Variants in SYNJ2 observed in about 807,000 individuals in gnomAD.
SYNJ2 encodes synaptojanin 2, also known as polyphosphatidylinositol phosphatase SYNJ2.
SYNJ2 carries 116 observed loss-of-function variants against 141.3 expected under a neutral mutation model. The ratio of observed to expected loss-of-function variants is 0.82; its 90% confidence interval spans 0.71 to 0.96. The LOEUF (loss-of-function observed/expected upper bound fraction) is 0.96. Ranked by LOEUF, SYNJ2 falls within the 40% of genes least tolerant of loss-of-function variation. The pLI, the probability that SYNJ2 is intolerant of heterozygous loss-of-function variation, is 0.00. For synonymous variants in SYNJ2, 745 were observed against 777.7 expected (o/e 0.96, Z 0.70); for missense variants, 1,873 against 1,934.8 (o/e 0.97, Z 0.60).
rs946264148 is a variant in SYNJ2 at position 158,040,974 on chromosome 6, G to A, written c.712-2342G>A. On this transcript the variant is annotated intron_variant, in intron 4 of 26. Transcript: ENST00000355585. The surrounding 1 kb of genome is among the most constrained non-coding windows in gnomAD (Gnocchi z 4.2). Reference sequence around the variant, plus strand: ...TCTTCCCACGACCCAAGCTCTCTCCGACGCCAGCAGGTGCCCGCATGCATA... The same window carrying A: ...TCTTCCCACGACCCAAGCTCTCTCCAACGCCAGCAGGTGCCCGCATGCATA... 5.3e-5 allele frequency among the ~76,000 whole-genome samples: 8 copies of A among 152,118 alleles called. No homozygotes were observed. The highest frequency in any genetic ancestry group is 8.8e-5 in the Non-Finnish European group (6 of 68,024).
intron 5 of SYNJ2, among the ~76,000 whole-genome samples, chr6:158,046,422 C>G (rs540650521): frequency 3.3e-5 from 5 of 152,176 alleles, no homozygotes; most frequent in Non-Finnish European, 2.9e-5. Context: ...GGTGGTCTAC[C>G]GTCACCGGCT....
At chr6:158,008,049 C>T (rs557475235) in intron 1 of SYNJ2, among the ~76,000 whole-genome samples, 17 of 152,302 alleles carry the variant, frequency 1.1e-4, no homozygotes, top group African/African-American at 3.8e-4. Flanking sequence ...GCCCTAGCCT[C>T]CTAAAGTGCT....
chr6:158,079,771 T>C (rs1483908647), intron 18 of SYNJ2, among the ~76,000 whole-genome samples: 1 of 152,224 alleles, frequency 6.6e-6, no homozygotes, highest in African/African-American at 2.4e-5. Context: ...GCTAGCTCAA[T>C]GTATTTTGAA....
At chr6:158,081,727 T>C (rs1298275315) in intron 20 of SYNJ2, among the ~76,000 whole-genome samples, 1 of 141,550 alleles carries the variant, frequency 7.1e-6, no homozygotes, top group Non-Finnish European at 1.5e-5. Context: ...GCTTAAGCAA[T>C]CCTCCCATCT....
chr6:158,062,548 C>T (rs1013975630), intron 8 of SYNJ2, among the ~76,000 whole-genome samples: 14 of 152,126 alleles, frequency 9.2e-5, no homozygotes, highest in African/African-American at 3.1e-4. Context: ...GGGCCACAGT[C>T]GCGGTGGGAT....
In SYNJ2 at chr6:158,071,532, T is replaced by C. The variant is rs999103351; in HGVS notation, c.1941-70T>C. 3.9e-5 allele frequency: 60 copies of C among 1,544,746 alleles called. No individual in the cohort carries two copies. The Admixed American group carries it at 1.1e-3, about 29-fold the overall frequency. On this transcript the variant is annotated intron_variant, in intron 14 of 26. Transcript: ENST00000355585. The surrounding 1 kb of genome is among the most constrained non-coding windows in gnomAD (Gnocchi z 4.3). The stretch of plus-strand genomic sequence containing the variant: ...AGGTCCCGAGCTGCTGCTGGGCCCT[T>C]CTCTGTGGCAAAGCAGGGTCACACT...
At chr6:158,029,082 G>GCCCTGGGTCTCCTGCAGAGGGTGGA in intron 3 of SYNJ2, 56 bp downstream of exon 3, 1 of 1,576,964 alleles carries the variant, frequency 6.3e-7, no homozygotes, top group Admixed American at 1.8e-5. Context: ...CAGAGGGTGG[G>GCCCTGGGTCTCCTGCAGAGGGTGGA]CCCTGGTTGG....
chr6:158,017,090 T>C, intron 1 of SYNJ2, 114 bp from the exon 2 acceptor site: 3 of 1,455,080 alleles, frequency 2.1e-6, no homozygotes, highest in Non-Finnish European at 2.7e-6. Context: ...AGCTATTGTC[T>C]TTGTGTTTTC....
At chr6:158,033,816 G>T in intron 4 of SYNJ2, 136 bp downstream of exon 4, 6 of 843,834 alleles carry the variant, frequency 7.1e-6, no homozygotes, top group Non-Finnish European at 9.0e-6. Context: ...CCTATAAGTG[G>T]AGAACAGCAC....
rs1267302056 is a variant in SYNJ2 at position 158,078,145 on chromosome 6, A to G, written c.2450-19A>G. Reference sequence around the variant, plus strand: ...ACTCGATTCTATATGGGTCTCTCGAATGGAACCCCTGCGAGTAGCTGGAGA... The same window carrying G: ...ACTCGATTCTATATGGGTCTCTCGAGTGGAACCCCTGCGAGTAGCTGGAGA... On this transcript the variant is annotated intron_variant, in intron 17 of 26. Coordinates refer to ENST00000355585, the MANE Select transcript of SYNJ2 (RefSeq NM_003898.4). The G allele has an allele frequency of 6.5e-7, 1 of 1,529,070 alleles. No homozygotes were observed. The highest frequency in any genetic ancestry group is 9.1e-7 in the Non-Finnish European group (1 of 1,103,272). 94.7% of individuals were successfully genotyped at this position (1,529,070 alleles called of 1,614,324 possible). A position where few individuals can be genotyped will look rare whatever the true frequency, so the allele number is the denominator to read the frequency against.
chr6:158,091,620 G>A (rs1045544206), intron 25 of SYNJ2, among the ~76,000 whole-genome samples: 2 of 151,972 alleles, frequency 1.3e-5, no homozygotes, highest in Admixed American at 6.5e-5. Flanking sequence ...GTGGTGGCAC[G>A]TGCCTGTTAG....
Position 158,089,845 on chromosome 6 carries a change from G to A in SYNJ2, c.3463G>A (p.Ala1155Thr), listed in dbSNP as rs749349982. Residue 1155 changes from alanine (A) to threonine (T), a missense_variant, in exon 25 of 27, where the codon GCT (alanine) becomes ACT (threonine). By Grantham distance (58) the Ala-to-Thr change is moderately conservative (BLOSUM62 0). Transcript: ENST00000355585. ...TCCTCATTCTGTCCTCAAGCCCAAG[G>A]CTCGGACTGGAATAAGTAAACCTTA... ...LPGAPQQPPKARTGISKPYNV... is the reference protein window; with the variant it reads ...LPGAPQQPPKTRTGISKPYNV... 2 of 1,613,458 alleles carry A rather than the reference G, an allele frequency of 1.2e-6. No homozygotes were observed. Among genetic ancestry groups the A allele is most frequent in the African/African-American group, 1.3e-5 (1 of 75,008 alleles).
intron 6 of SYNJ2, among the ~76,000 whole-genome samples, chr6:158,058,935 A>G (rs1234981342): frequency 1.3e-5 from 2 of 152,224 alleles, no homozygotes; most frequent in African/African-American, 4.8e-5. Flanking sequence ...CCTGTCTCAA[A>G]AACAAAATTC....
intron 11 of SYNJ2, among the ~76,000 whole-genome samples, 153 bp downstream of exon 11, chr6:158,065,144 C>T (rs529506060): frequency 1.3e-5 from 2 of 152,202 alleles, no homozygotes; most frequent in African/African-American, 2.4e-5. Context: ...CTGCCTCTCC[C>T]GGGAGCCTGC....
Position 158,062,085 on chromosome 6 carries a change from G to A in SYNJ2, c.1048G>A (p.Glu350Lys). The part of the protein sequence containing the change: ...FAKGGKLEKL[E>K]TLLRPQLKLH... ...CAAAGGTGGGAAGCTAGAGAAATTG[G>A]AGACCCTCTTGAGGCCACAGTTAAA... Residue 350 changes from glutamate to lysine, a missense_variant, in exon 8 of 27, where the codon GAG becomes AAG. Glu to Lys is a moderately conservative substitution (Grantham distance 56). Transcript: ENST00000355585. 3 of 1,614,174 alleles carry A rather than the reference G, an allele frequency of 1.9e-6. No homozygotes were observed. In the South Asian group the frequency reaches 3.3e-5, roughly 18 times the overall value.
chr6:158,083,309 G>A (rs1038703247), intron 20 of SYNJ2, 120 bp from the exon 21 acceptor site: 57 of 1,250,140 alleles, frequency 4.6e-5, no homozygotes, highest in Non-Finnish European at 5.4e-5. Flanking sequence ...TGGTTTTTCA[G>A]GGCCAAATGT....
At chr6:158,041,086 A>G (rs918894964) in intron 4 of SYNJ2, among the ~76,000 whole-genome samples, 1 of 152,038 alleles carries the variant, frequency 6.6e-6, no homozygotes, top group Admixed American at 6.6e-5. Context: ...CCCCTCATTT[A>G]CCCCTCACAG....
At position 157,982,039 on chromosome 6, in the gene SYNJ2, CG is replaced by C; in HGVS notation, c.80del (p.Gly27AlafsTer41). ...ACTGTAGCGTGCTGCTGGAGGCGCG[CG>C]GCCGCGACGACTGCCTGCTGTTCGA... ...GDCSVLLEARGRDDCLLFEAG... is the reference protein window; with the variant it reads ...GDCSVLLEARXRDDCLLFEAG... On this transcript the variant is annotated frameshift_variant, in exon 1 of 27. Transcript: ENST00000355585. LOFTEE classifies it high-confidence loss of function. The surrounding 1 kb of genome is among the most constrained non-coding windows in gnomAD (Gnocchi z 4.0). 7.5e-7 allele frequency: 1 copy of C among 1,333,588 alleles called. No homozygotes were observed. Among genetic ancestry groups the C allele is most frequent in the Non-Finnish European group, 9.6e-7 (1 of 1,045,190 alleles). The allele number at this position is 1,333,588 out of a possible 1,614,324, so 82.6% of individuals were successfully genotyped here.
intron 16 of SYNJ2, among the ~76,000 whole-genome samples, chr6:158,075,589 C>A (rs1456024364): frequency 6.6e-6 from 1 of 151,366 alleles, no homozygotes; most frequent in Non-Finnish European, 1.5e-5. Context: ...TGCAGTGAGC[C>A]GAGATCGCAC....
Sources: gnomAD v4.1 joint callset for allele counts (sites outside exome capture counted in the v4.1 genomes callset) on GRCh38, gnomAD v4.1.1 for gene constraint, Gnocchi (gnomAD v3.1) non-coding constraint, MANE v1.5 for transcripts, NCBI Gene and HGNC (gene_info 2026-07-23, HGNC 2026-07-21) for gene names.